The following CCNI2 variants were observed in gnomAD, a reference collection of about 807,000 sequenced individuals.
CCNI2 encodes cyclin-I2.
CCNI2 carries 32 observed loss-of-function variants against 33.2 expected under a neutral mutation model. That is an observed-to-expected ratio of 0.96 (90% CI 0.73 to 1.30). CCNI2 has a LOEUF of 1.30. CCNI2 is among the 50% of genes most tolerant of loss of function. The probability of loss-of-function intolerance (pLI) is 0.00; values close to 1 mark genes in which losing one functional copy is unlikely to be tolerated. For synonymous variants in CCNI2, 231 were observed against 219.9 expected (o/e 1.05, Z -0.45); for missense variants, 452 against 486.2 (o/e 0.93, Z 0.66).
intron 3 of CCNI2, 99 bp downstream of exon 3, chr5:132,749,521 G>C: frequency 1.0e-6 from 1 of 997,544 alleles, no homozygotes; most frequent in Non-Finnish European, 1.6e-6. Context: ...CCTTAGGTAT[G>C]GTGGATGTTT....
At chr5:132,748,699 C>T (rs1754681930) in intron 2 of CCNI2, among the ~76,000 whole-genome samples, 1 of 152,110 alleles carries the variant, frequency 6.6e-6, no homozygotes, top group African/African-American at 2.4e-5. Flanking sequence ...GTGAGAGGAC[C>T]TAGCTGGGAA....
At chr5:132,754,717 C>G (rs2149949212), downstream of CCNI2, among the ~76,000 whole-genome samples, 1 of 152,346 alleles carries the variant, frequency 6.6e-6, no homozygotes, top group Middle Eastern at 3.4e-3. Flanking sequence ...CATCCTACTT[C>G]CCTCTAATAT....
At chr5:132,751,775 A>C in intron 4 of CCNI2, 191 bp from the exon 5 acceptor site, 1 of 626,654 alleles carries the variant, frequency 1.6e-6, no homozygotes, top group South Asian at 2.2e-5. Flanking sequence ...TTGGTCCCGG[A>C]GTGGAAGCTC....
chr5:132,755,875 A>C, downstream of CCNI2: 1 of 737,360 alleles, frequency 1.4e-6, no homozygotes, highest in Non-Finnish European at 1.6e-6. Context: ...CAATTCCTAC[A>C]GAAGTAGATC....
At position 132,747,522 on chromosome 5, in the gene CCNI2, G is replaced by C; in HGVS notation, c.27G>C (p.Pro9=). 6.7e-7 allele frequency: 1 copy of C among 1,498,816 alleles called. No homozygotes were observed. Among genetic ancestry groups the C allele is most frequent in the Non-Finnish European group, 8.8e-7 (1 of 1,132,122 alleles). 92.8% of individuals were successfully genotyped at this position (1,498,816 alleles called of 1,614,324 possible). A position where few individuals can be genotyped will look rare whatever the true frequency, so the allele number is the denominator to read the frequency against. The part of the protein sequence containing the change: MASGAQLP[P]QPSSSEVSAV... ...TGGCCTCGGGCGCTCAGCTCCCGCC[G>C]CAGCCGTCGAGCTCAGAGGTCAGCG... is the stretch of plus-strand genomic sequence containing the variant. The change falls in exon 1 of 6, where the codon CCG becomes CCC. Residue 9 remains proline, a synonymous_variant. Coordinates refer to ENST00000378731, the MANE Select transcript of CCNI2 (RefSeq NM_001039780.4). The surrounding 1 kb of genome is among the most constrained non-coding windows in gnomAD (Gnocchi z 4.1).
chr5:132,749,266 A>T (rs867644256), intron 2 of CCNI2, 82 bp from the exon 3 acceptor site: 1 of 1,191,454 alleles, frequency 8.4e-7, no homozygotes, highest in Non-Finnish European at 1.2e-6. Flanking sequence ...AAAAAAGTGT[A>T]TAAAAGAAAA....
Position 132,750,854 on chromosome 5 carries a change from C to T in CCNI2, c.634-3C>T, listed in dbSNP as rs769382857. On this transcript the variant is annotated splice_polypyrimidine_tract_variant and splice_region_variant and intron_variant, in intron 3 of 5. Coordinates refer to ENST00000378731, the MANE Select transcript of CCNI2 (RefSeq NM_001039780.4). ...CTTTGGCCTCTTTATTTTCTTTTTA[C>T]AGTTTATTCCACAAGTAAAAGACTT... is the stretch of plus-strand genomic sequence containing the variant. 5.0e-6 allele frequency: 8 copies of T among 1,611,950 alleles called. No homozygotes were observed. The South Asian group carries it at 8.8e-5, about 18-fold the overall frequency.
At chr5:132,755,873 A>G, downstream of CCNI2, 1 of 726,436 alleles carries the variant, frequency 1.4e-6, no homozygotes, top group Non-Finnish European at 1.7e-6. Flanking sequence ...AACAATTCCT[A>G]CAGAAGTAGA....
At chr5:132,754,562 G>C (rs971580056), downstream of CCNI2, 2 of 716,668 alleles carry the variant, frequency 2.8e-6, no homozygotes, top group African/African-American at 3.5e-5. Flanking sequence ...CCTAGGACTG[G>C]GGTAAGAGAC....
Position 132,747,827 on chromosome 5 carries a change from G to T in CCNI2, c.332G>T (p.Arg111Leu). ...PRPAPQSRKP[R>L]NLEGDLDERR... ...CCGGCTCCACAGTCCCGCAAGCCGC[G>T]CAACCTGGAAGGCGACCTGGACGAG... is the stretch of plus-strand genomic sequence containing the variant. Residue 111 changes from arginine (R) to leucine (L), a missense_variant, in exon 1 of 6, where the codon CGC (arginine) becomes CTC (leucine). Physicochemically the swap from Arg to Leu is moderately radical, Grantham distance 102. Coordinates refer to ENST00000378731, the MANE Select transcript of CCNI2 (RefSeq NM_001039780.4). The surrounding 1 kb of genome is among the most constrained non-coding windows in gnomAD (Gnocchi z 4.1). 6.8e-7 allele frequency: 1 copy of T among 1,480,832 alleles called. No homozygotes were observed. The highest frequency in any genetic ancestry group is 8.9e-7 in the Non-Finnish European group (1 of 1,123,390). 91.7% of individuals were successfully genotyped at this position (1,480,832 alleles called of 1,614,324 possible). A position where few individuals can be genotyped will look rare whatever the true frequency, so the allele number is the denominator to read the frequency against.
chr5:132,749,902 A>C (rs1029938502), intron 3 of CCNI2, among the ~76,000 whole-genome samples: 1 of 152,074 alleles, frequency 6.6e-6, no homozygotes, highest in African/African-American at 2.4e-5. Context: ...GGTAAAGTAC[A>C]AGGGGCCCAT....
At chr5:132,754,615 T>C (rs114533973), downstream of CCNI2, 1,064 of 667,402 alleles carry the variant, frequency 1.6e-3, 12 homozygotes, top group African/African-American at 0.017. Flanking sequence ...AACTCTTCTA[T>C]AGGGAAGCTC....
In CCNI2 at chr5:132,748,027, C is replaced by G; in HGVS notation, c.429+103C>G. On this transcript the variant is annotated intron_variant, in intron 1 of 5. Transcript: ENST00000378731. ...GTGTTCTGAAACTGGAGGCCGGGCC[C>G]TTCCCCAGGTGTGGCCCCTCACGAG... is the stretch of plus-strand genomic sequence containing the variant. The G allele has an allele frequency of 2.4e-6, 3 of 1,236,558 alleles. No individual in the cohort carries two copies. In the South Asian group the frequency reaches 5.6e-5, roughly 23 times the overall value. The allele number at this position is 1,236,558 out of a possible 1,614,324, so 76.6% of individuals were successfully genotyped here. A position where few individuals can be genotyped will look rare whatever the true frequency, so the allele number is the denominator to read the frequency against.
At chr5:132,749,456 C>CT in intron 3 of CCNI2, 34 bp downstream of exon 3, 3 of 1,548,938 alleles carry the variant, frequency 1.9e-6, no homozygotes, top group Non-Finnish European at 2.7e-6. Flanking sequence ...CTGGGCTGCA[C>CT]TTGAGGTATA....
At position 132,747,430 on chromosome 5, in the gene CCNI2, T is replaced by G; in HGVS notation, c.-66T>G. ...CCCGGCGGCGCCCCAGGCTGCAGTG[T>G]TCCGGGAGCTGGGTTATAAAATGCC... is the stretch of plus-strand genomic sequence containing the variant. On this transcript the variant is annotated 5_prime_UTR_variant, in exon 1 of 6. Transcript: ENST00000378731. The surrounding 1 kb of genome is among the most constrained non-coding windows in gnomAD (Gnocchi z 4.1). 2 of 1,344,414 alleles carry G rather than the reference T, an allele frequency of 1.5e-6. No homozygotes were observed. Among genetic ancestry groups the G allele is most frequent in the South Asian group, 1.7e-5 (1 of 57,940 alleles). 83.3% of individuals were successfully genotyped at this position (1,344,414 alleles called of 1,614,324 possible).
chr5:132,756,030 A>AAAAAT (rs1412749331), downstream of CCNI2: 14 of 985,292 alleles, frequency 1.4e-5, no homozygotes, highest in African/African-American at 2.3e-4. Context: ...ATTTAATGAA[A>AAAAAT]AAAATAAGTA....
In CCNI2 at chr5:132,752,070, T is replaced by C. The variant is rs536055418; in HGVS notation, c.879T>C (p.Cys293=). 1.6e-5 allele frequency: 26 copies of C among 1,607,382 alleles called. No individual in the cohort carries two copies. The South Asian group carries it at 2.8e-4, about 17-fold the overall frequency. ...CCCTGACCAGGCAGCTGCAGCACTG[T>C]ATGGCGGGCCACCAGCTGCTGCAGT... ...VASLTRQLQH[C]MAGHQLLQFK... is the part of the protein sequence containing the mutation. The change falls in exon 5 of 6, where the codon TGT becomes TGC. Residue 293 remains cysteine, a synonymous_variant. Coordinates refer to ENST00000378731, the MANE Select transcript of CCNI2 (RefSeq NM_001039780.4).
At chr5:132,751,583 A>G (rs1001225027) in intron 4 of CCNI2, 2 of 281,448 alleles carry the variant, frequency 7.1e-6, no homozygotes, top group Non-Finnish European at 1.3e-5. Context: ...AGACTGTTTC[A>G]TTACGAAAAC....
In CCNI2 at chr5:132,749,320, GCTCAAATGTGTTTGTT is replaced by G. The variant is rs772325668; in HGVS notation, c.559-26_559-11del. 1.3e-5 allele frequency: 20 copies of G among 1,567,276 alleles called. No individual in the cohort carries two copies. Among genetic ancestry groups the G allele is most frequent in the Non-Finnish European group, 1.7e-5 (19 of 1,137,382 alleles). On this transcript the variant is annotated splice_polypyrimidine_tract_variant and intron_variant, in intron 2 of 5. Coordinates refer to ENST00000378731, the MANE Select transcript of CCNI2 (RefSeq NM_001039780.4). ...AGTTTGTTTCTGGCATTCATATTCT[GCTCAAATGTGTTTGTT>G]CCATACTGCAGGTAAAAGAGAAATA...
Sources: gnomAD v4.1 joint callset for allele counts (sites outside exome capture counted in the v4.1 genomes callset) on GRCh38, gnomAD v4.1.1 for gene constraint, Gnocchi (gnomAD v3.1) non-coding constraint, MANE v1.5 for transcripts, NCBI Gene and HGNC (gene_info 2026-07-23, HGNC 2026-07-21) for gene names.